The following GRIA1 variants were observed in gnomAD, a reference collection of about 807,000 sequenced individuals.
GRIA1 encodes glutamate ionotropic receptor AMPA type subunit 1.
In GRIA1, 31 loss-of-function variants were observed where a neutral mutation model predicts 99.2. That is an observed-to-expected ratio of 0.31 (90% CI 0.23 to 0.42). The LOEUF (loss-of-function observed/expected upper bound fraction) is 0.42, where lower values mean the gene tolerates loss of function less well. GRIA1 is among the 10% of genes least tolerant of loss of function. The pLI is 1.00. For synonymous variants in GRIA1, 438 were observed against 432.4 expected (o/e 1.01, Z -0.16); for missense variants, 782 against 1,157.5 (o/e 0.68, Z 4.71).
At chr5:153,625,920 C>T (rs1234196662) in intron 2 of GRIA1, among the ~76,000 whole-genome samples, 1 of 152,142 alleles carries the variant, frequency 6.6e-6, no homozygotes, top group Non-Finnish European at 1.5e-5. Context: ...TAGGCTCATG[C>T]CACAAACAAG....
chr5:153,513,482 G>A (rs73284013), intron 2 of GRIA1, among the ~76,000 whole-genome samples: 1 of 152,170 alleles, frequency 6.6e-6, no homozygotes, highest in African/African-American at 2.4e-5. Flanking sequence ...CAGGAAAAAG[G>A]CTTGATTTTT....
At chr5:153,538,458 T>C (rs1305476651) in intron 2 of GRIA1, among the ~76,000 whole-genome samples, 1 of 151,990 alleles carries the variant, frequency 6.6e-6, no homozygotes, top group Non-Finnish European at 1.5e-5. Context: ...TTTTAATGTG[T>C]CTGCTTCCCC....
intron 4 of GRIA1, among the ~76,000 whole-genome samples, chr5:153,651,486 A>G (rs2149459688): frequency 2.0e-5 from 3 of 152,348 alleles, no homozygotes; most frequent in Admixed American, 2.0e-4. Flanking sequence ...ACATTTATGT[A>G]TTCAGATTCA....
At chr5:153,650,053 A>G (rs1445010519) in intron 3 of GRIA1, among the ~76,000 whole-genome samples, 1 of 152,174 alleles carries the variant, frequency 6.6e-6, no homozygotes. Context: ...AAGAAACTAA[A>G]GTTTGAAGAG....
At chr5:153,788,450 C>T (rs1400699203) in intron 13 of GRIA1, among the ~76,000 whole-genome samples, 1 of 152,142 alleles carries the variant, frequency 6.6e-6, no homozygotes, top group African/African-American at 2.4e-5. Flanking sequence ...TAAGACCCTC[C>T]AATCTCAGAA....
At chr5:153,531,494 A>G (rs1444114185) in intron 2 of GRIA1, among the ~76,000 whole-genome samples, 1 of 152,216 alleles carries the variant, frequency 6.6e-6, no homozygotes, top group Non-Finnish European at 1.5e-5. Flanking sequence ...TTCTTGACAC[A>G]TAGCAGATTC....
At chr5:153,530,505 C>A (rs1399135582) in intron 2 of GRIA1, among the ~76,000 whole-genome samples, 1 of 152,228 alleles carries the variant, frequency 6.6e-6, no homozygotes, top group Non-Finnish European at 1.5e-5. Context: ...AAATGAGAAG[C>A]AGCTGTGAGC....
At chr5:153,777,478 G>T (rs536913890) in intron 13 of GRIA1, among the ~76,000 whole-genome samples, 258 of 152,170 alleles carry the variant, frequency 1.7e-3, no homozygotes, top group Non-Finnish European at 2.5e-3. Flanking sequence ...TGAAAAATTG[G>T]AATAATAATT....
At chr5:153,575,197 A>AAGAGAGAG (rs3064338) in intron 2 of GRIA1, among the ~76,000 whole-genome samples, 66,713 of 147,466 alleles carry the variant, frequency 0.45, 16,993 homozygotes, top group Non-Finnish European at 0.59. Context: ...TCAAGAGAGA[A>AAGAGAGAG]AGAGAGAGAG....
At chr5:153,563,861 A>G (rs909278111) in intron 2 of GRIA1, among the ~76,000 whole-genome samples, 2 of 152,198 alleles carry the variant, frequency 1.3e-5, no homozygotes, top group Non-Finnish European at 1.5e-5. Context: ...GGCAGGGGGT[A>G]TGGAGGCAGT....
upstream of GRIA1, chr5:153,490,479 G>T: frequency 4.2e-6 from 1 of 237,848 alleles, no homozygotes. Context: ...GGAACAGGTA[G>T]GGAGGTCGGC....
At chr5:153,535,277 C>T (rs1054684919) in intron 2 of GRIA1, among the ~76,000 whole-genome samples, 5 of 152,154 alleles carry the variant, frequency 3.3e-5, no homozygotes, top group Non-Finnish European at 5.9e-5. Flanking sequence ...TAGATGTGAA[C>T]GTGCCATGTA....
At chr5:153,739,079 G>C (rs1187826785) in intron 11 of GRIA1, among the ~76,000 whole-genome samples, 1 of 121,650 alleles carries the variant, frequency 8.2e-6, no homozygotes, top group Non-Finnish European at 1.7e-5. Flanking sequence ...TGCAAGGCAG[G>C]GATTTCTCCA....
chr5:153,687,545 C>T (rs1247536416), intron 8 of GRIA1, among the ~76,000 whole-genome samples: 2 of 152,114 alleles, frequency 1.3e-5, no homozygotes, highest in African/African-American at 2.4e-5. Flanking sequence ...TGCCACTAGC[C>T]GTATGTGGCT....
At chr5:153,496,436 C>T (rs1754433439) in intron 2 of GRIA1, among the ~76,000 whole-genome samples, 1 of 152,202 alleles carries the variant, frequency 6.6e-6, no homozygotes, top group African/African-American at 2.4e-5. Context: ...CCCTTGCTCT[C>T]AGGTAGCTTA....
chr5:153,693,997 C>T (rs1405050260), intron 8 of GRIA1, among the ~76,000 whole-genome samples: 1 of 152,052 alleles, frequency 6.6e-6, no homozygotes, highest in Non-Finnish European at 1.5e-5. Flanking sequence ...ATCACTCAGC[C>T]CACTGACCCT....
chr5:153,544,678 G>A (rs74357024), intron 2 of GRIA1, among the ~76,000 whole-genome samples: 3,149 of 152,166 alleles, frequency 0.021, 112 homozygotes, highest in African/African-American at 0.071. Flanking sequence ...ATTTAATTTA[G>A]ATAAACCAAA....
chr5:153,624,974 T>C (rs1767449142), intron 2 of GRIA1, among the ~76,000 whole-genome samples: 1 of 152,194 alleles, frequency 6.6e-6, no homozygotes, highest in African/African-American at 2.4e-5. Context: ...ACGTCTCCTG[T>C]GCAGAGCTCC....
intron 13 of GRIA1, among the ~76,000 whole-genome samples, chr5:153,781,330 G>A (rs1461230): frequency 0.36 from 54,525 of 151,494 alleles, 10,970 homozygotes; most frequent in East Asian, 0.92. Flanking sequence ...TATTCCCATG[G>A]GAATAAAATG....
Sources: allele counts gnomAD v4.1 joint callset (sites outside exome capture counted in the v4.1 genomes callset), GRCh38; gene constraint gnomAD v4.1.1; transcripts MANE v1.5; gene names NCBI Gene and HGNC (gene_info 2026-07-23, HGNC 2026-07-21).